The following ZFHX4 variants were observed in gnomAD, a reference collection of about 807,000 sequenced individuals.
The protein encoded by ZFHX4 is zinc finger homeobox protein 4.
Under a neutral mutation model 267.6 loss-of-function variants are expected in ZFHX4, and 56 were observed. That is an observed-to-expected ratio of 0.21 (90% CI 0.17 to 0.26). The LOEUF (loss-of-function observed/expected upper bound fraction) is 0.26. ZFHX4 is among the 10% of genes least tolerant of loss of function. ZFHX4 has a pLI of 1.00. For synonymous variants in ZFHX4, 1,778 were observed against 1,665.6 expected (o/e 1.07, Z -1.64); for missense variants, 4,332 against 4,420.0 (o/e 0.98, Z 0.56).
intron 5 of ZFHX4, chr8:76,834,054 G>A: frequency 2.7e-6 from 1 of 377,342 alleles, no homozygotes; most frequent in Non-Finnish European, 5.3e-6. Flanking sequence ...GTCTTTACAT[G>A]GCTTGATAGT....
rs1808204211 is a variant in ZFHX4, at chr8:76,704,816, G to A, written c.728G>A (p.Ser243Asn). The A allele has an allele frequency of 6.2e-7, 1 of 1,614,030 alleles. No homozygotes were observed. The highest frequency in any genetic ancestry group is 8.5e-7 in the Non-Finnish European group (1 of 1,180,010). Residue 243 changes from serine to asparagine, a missense_variant, in exon 2 of 11, where the codon AGT (serine) becomes AAT (asparagine). Transcript: ENST00000651372. ...RHKREKDYLT[S>N]DGSAKNSCVS... ...AAGAGAGAGAAAGACTATCTAACCA[G>A]TGATGGCTCAGCCAAAAACTCCTGT...
chr8:76,719,660 C>T (rs143990466), intron 3 of ZFHX4, among the ~76,000 whole-genome samples: 31 of 152,160 alleles, frequency 2.0e-4, no homozygotes, highest in African/African-American at 7.2e-4. Context: ...ACACTCTGCT[C>T]TTTTATTTGG....
At chr8:76,718,454 A>G (rs1367228416) in intron 3 of ZFHX4, among the ~76,000 whole-genome samples, 2 of 152,166 alleles carry the variant, frequency 1.3e-5, no homozygotes, top group Non-Finnish European at 2.9e-5. Flanking sequence ...AAATTAGGTA[A>G]TTTAAAAAAC....
chr8:76,758,170 C>A (rs188850747), intron 3 of ZFHX4, among the ~76,000 whole-genome samples: 2 of 151,998 alleles, frequency 1.3e-5, no homozygotes, highest in Admixed American at 1.3e-4. Flanking sequence ...AATGATGGCA[C>A]AATATGGTAA....
intron 3 of ZFHX4, among the ~76,000 whole-genome samples, chr8:76,772,578 C>G (rs1810292367): frequency 6.6e-6 from 1 of 152,026 alleles, no homozygotes; most frequent in Non-Finnish European, 1.5e-5. Context: ...TTTTGACTCC[C>G]AGGAAGGCAA....
intron 4 of ZFHX4, among the ~76,000 whole-genome samples, chr8:76,811,191 C>T (rs1315170389): frequency 2.0e-5 from 3 of 152,170 alleles, no homozygotes; most frequent in Non-Finnish European, 4.4e-5. Flanking sequence ...CATTTAAAGC[C>T]AGAGCCCCAC....
intron 3 of ZFHX4, among the ~76,000 whole-genome samples, chr8:76,738,712 TTCTCTC>T (rs571087005): frequency 7.3e-5 from 9 of 123,810 alleles, no homozygotes; most frequent in East Asian, 2.8e-4. Flanking sequence ...CTCTCTCTCT[TTCTCTC>T]TCTCTCTCTC....
At chr8:76,751,035 C>T (rs1809601530) in intron 3 of ZFHX4, among the ~76,000 whole-genome samples, 1 of 152,058 alleles carries the variant, frequency 6.6e-6, no homozygotes, top group African/African-American at 2.4e-5. Flanking sequence ...TCCTGTCTCC[C>T]CATATCACCC....
At chr8:76,856,784 T>C (rs1264755373) in intron 10 of ZFHX4, among the ~76,000 whole-genome samples, 1 of 152,196 alleles carries the variant, frequency 6.6e-6, no homozygotes, top group Non-Finnish European at 1.5e-5. Flanking sequence ...GTTCAAAAGT[T>C]GAGTCCTTCA....
chr8:76,863,747 G>A lies in ZFHX4; in HGVS notation c.10033G>A (p.Val3345Ile), dbSNP rs1040055017. 1 of 1,553,932 alleles carries A rather than the reference G, an allele frequency of 6.4e-7. No homozygotes were observed. The highest frequency in any genetic ancestry group is 1.4e-5 in the African/African-American group (1 of 73,092). The change falls in exon 11 of 11, where the codon GTT (valine) becomes ATT (isoleucine). Residue 3345 changes from valine to isoleucine, a missense_variant. Coordinates refer to ENST00000651372, the MANE Select transcript of ZFHX4 (RefSeq NM_024721.5). ...ACAGCAAGAACAGCAGCAGAAACCAGTTCAGGCAAAGACATCCAAAGTAGA... is the reference window on the plus strand; with the variant it reads ...ACAGCAAGAACAGCAGCAGAAACCAATTCAGGCAAAGACATCCAAAGTAGA... ...KQQQEQQQKP[V>I]QAKTSKVESD... is the part of the protein sequence containing the mutation.
chr8:76,836,731 A>C (rs1414199567), intron 5 of ZFHX4, among the ~76,000 whole-genome samples: 1 of 152,020 alleles, frequency 6.6e-6, no homozygotes, highest in Non-Finnish European at 1.5e-5. Flanking sequence ...GTTCAAGCAG[A>C]AGAATGGATT....
intron 3 of ZFHX4, among the ~76,000 whole-genome samples, chr8:76,739,132 C>T (rs2131678859): frequency 6.6e-6 from 1 of 152,250 alleles, no homozygotes; most frequent in East Asian, 1.9e-4. Context: ...GACTAAGGTG[C>T]AAGGCTGGCA....
At chr8:76,734,663 T>G (rs1454861017) in intron 3 of ZFHX4, among the ~76,000 whole-genome samples, 1 of 152,144 alleles carries the variant, frequency 6.6e-6, no homozygotes, top group African/African-American at 2.4e-5. Flanking sequence ...TGATTAGACC[T>G]CTTCATTGTA....
At position 76,864,793 on chromosome 8, in the gene ZFHX4, A is replaced by G. The variant is rs1409227426; in HGVS notation, c.*228A>G. On this transcript the variant is annotated 3_prime_UTR_variant, in exon 11 of 11. Coordinates refer to ENST00000651372, the MANE Select transcript of ZFHX4 (RefSeq NM_024721.5). Reference sequence around the variant, plus strand: ...GCTTGTACTATATGCTAAAATATGGAAAAGGAAAAAAAAATCTCACAAGTT... The same window carrying G: ...GCTTGTACTATATGCTAAAATATGGGAAAGGAAAAAAAAATCTCACAAGTT... 9.7e-6 allele frequency: 3 copies of G among 310,326 alleles called. No individual in the cohort carries two copies. The highest frequency in any genetic ancestry group is 1.8e-5 in the Non-Finnish European group (3 of 170,364). The allele number at this position is 310,326 out of a possible 1,614,324, so 19.2% of individuals were successfully genotyped here.
In ZFHX4 at chr8:76,705,818, T is replaced by C; in HGVS notation, c.1730T>C (p.Ile577Thr). ...GCCACAGCTGCTCATCCAAGTGAAA[T>C]AGCCCGGGGAGACGAAGACAGTTCA... is the stretch of plus-strand genomic sequence containing the variant. ...DSATAAHPSE[I>T]ARGDEDSSAT... The change falls in exon 2 of 11, where the codon ATA (isoleucine) becomes ACA (threonine). Residue 577 changes from isoleucine to threonine, a missense_variant. This residue lies in a region of ZFHX4 where 1,195 missense variants were observed against 1,173.6 expected (regional missense o/e 1.02). Coordinates refer to ENST00000651372, the MANE Select transcript of ZFHX4 (RefSeq NM_024721.5). The C allele has an allele frequency of 6.2e-7, 1 of 1,613,792 alleles. No individual in the cohort carries two copies. Among genetic ancestry groups the C allele is most frequent in the Non-Finnish European group, 8.5e-7 (1 of 1,179,868 alleles).
chr8:76,834,189 A>G (rs761494615), intron 5 of ZFHX4: 31 of 439,474 alleles, frequency 7.1e-5, no homozygotes, highest in Non-Finnish European at 1.3e-4. Context: ...TAAAACTACT[A>G]TGAGCATCGG....
intron 4 of ZFHX4, among the ~76,000 whole-genome samples, chr8:76,797,361 C>A (rs930041701): frequency 1.3e-5 from 2 of 152,106 alleles, no homozygotes; most frequent in Admixed American, 1.3e-4. Context: ...ATATGTATAA[C>A]CATAAGATCA....
intron 1 of ZFHX4, chr8:76,683,134 C>G (rs958381223): frequency 6.6e-6 from 1 of 152,046 alleles, no homozygotes; most frequent in Admixed American, 6.6e-5. Context: ...CGCCTTTGGC[C>G]GCGACTTCTC....
chr8:76,845,698 T>G (rs1321326506), intron 6 of ZFHX4, among the ~76,000 whole-genome samples: 1 of 152,022 alleles, frequency 6.6e-6, no homozygotes, highest in Non-Finnish European at 1.5e-5. Flanking sequence ...TATAAACCGT[T>G]TACAGCCTTC....
Sources: allele counts gnomAD v4.1 joint callset (sites outside exome capture counted in the v4.1 genomes callset), GRCh38; gene constraint gnomAD v4.1.1; regional missense constraint gnomAD v4.1.1; transcripts MANE v1.5; gene names NCBI Gene and HGNC (gene_info 2026-07-23, HGNC 2026-07-21).